The following ZNF865 variants were observed in gnomAD, a reference collection of about 807,000 sequenced individuals.
ZNF865 encodes zinc finger protein 865.
For synonymous variants in ZNF865, 763 were observed against 750.8 expected, an observed-to-expected ratio of 1.02 and a Z score of -0.27; for missense variants, 1,311 against 1,593.4, an observed-to-expected ratio of 0.82 and a Z score of 3.02.
chr19:55,614,646 C>A lies in ZNF865; in HGVS notation c.1028C>A (p.Thr343Asn), dbSNP rs1320098206. 1 of 1,536,198 alleles carries A rather than the reference C, an allele frequency of 6.5e-7. No individual in the cohort carries two copies. The highest frequency in any genetic ancestry group is 8.7e-7 in the Non-Finnish European group (1 of 1,148,104). Residue 343 changes from threonine to asparagine, a missense_variant, in exon 2 of 2, where the codon ACC becomes AAC. Transcript: ENST00000568956. This position sits in a 1 kb window ranked among gnomAD's most constrained non-coding sequence, Gnocchi z 8.0. ...PAGVGVPPPA[T>N]GGGDGPFACP... ...GGTGTTGGGGTGCCCCCTCCTGCCACCGGGGGTGGCGATGGCCCGTTCGCC... is the reference window on the plus strand; with the variant it reads ...GGTGTTGGGGTGCCCCCTCCTGCCAACGGGGGTGGCGATGGCCCGTTCGCC...
chr19:55,609,021 AGTTT>A (rs1044567680), intron 1 of ZNF865, among the ~76,000 whole-genome samples: 15 of 152,068 alleles, frequency 9.9e-5, no homozygotes, highest in East Asian at 5.8e-4. Flanking sequence ...TGACTTTAGA[AGTTT>A]GTTTGTTTGT....
rs1216027970 is a variant in ZNF865 at position 55,611,803 on chromosome 19, C to T, written c.-26-1790C>T. 6.6e-6 allele frequency among the ~76,000 whole-genome samples: 1 copy of T among 152,134 alleles called. No individual in the cohort carries two copies. The highest frequency in any genetic ancestry group is 2.4e-5 in the African/African-American group (1 of 41,402). On this transcript the variant is annotated intron_variant, in intron 1 of 1. Transcript: ENST00000568956. The surrounding 1 kb of genome is among the most constrained non-coding windows in gnomAD (Gnocchi z 4.5). ...GGGTCAGACCTCATGGGCCCTTCAC[C>T]GACTCACCCTCCGCCCACTTGGTGG... is the stretch of plus-strand genomic sequence containing the variant.
intron 1 of ZNF865, 141 bp from the exon 2 acceptor site, chr19:55,613,452 A>G: frequency 1.4e-6 from 1 of 738,606 alleles, no homozygotes; most frequent in Non-Finnish European, 2.1e-6. Context: ...TGGGGTGGAC[A>G]GGCAGAGGGA....
Position 55,614,416 on chromosome 19 carries a change from C to T in ZNF865, c.798C>T (p.Ser266=). The T allele has an allele frequency of 6.8e-7, 1 of 1,466,748 alleles. No individual in the cohort carries two copies. Among genetic ancestry groups the T allele is most frequent in the Non-Finnish European group, 9.0e-7 (1 of 1,112,388 alleles). The allele number at this position is 1,466,748 out of a possible 1,614,324, so 90.9% of individuals were successfully genotyped here. A position where few individuals can be genotyped will look rare whatever the true frequency, so the allele number is the denominator to read the frequency against. The change falls in exon 2 of 2, where the codon AGC becomes AGT. Residue 266 remains serine (S), a synonymous_variant. Transcript: ENST00000568956. The surrounding 1 kb of genome is among the most constrained non-coding windows in gnomAD (Gnocchi z 8.0). Reference sequence around the variant, plus strand: ...GCCGCACCTACAACCACGTGTCCAGCCTCATCCGCCACCGCCGCTGCCACA... The same window carrying T: ...GCCGCACCTACAACCACGTGTCCAGTCTCATCCGCCACCGCCGCTGCCACA... ...VCGRTYNHVS[S]LIRHRRCHKD...
At chr19:55,606,937 T>G (rs995285227) in intron 1 of ZNF865, among the ~76,000 whole-genome samples, 4 of 152,094 alleles carry the variant, frequency 2.6e-5, no homozygotes, top group African/African-American at 9.7e-5. Flanking sequence ...CATGCAAAGA[T>G]CTGGGTGAGC....
Position 55,613,744 on chromosome 19 carries a change from C to G in ZNF865, c.126C>G (p.Phe42Leu). ...TGGAATTCCTCAACCACCAGCGCTTCGAGCCCATGGAACTGTATGGGGAAC... is the reference window on the plus strand; with the variant it reads ...TGGAATTCCTCAACCACCAGCGCTTGGAGCCCATGGAACTGTATGGGGAAC... ...DFLEFLNHQR[F>L]EPMELYGEHA... Residue 42 changes from phenylalanine to leucine, a missense_variant, in exon 2 of 2, where the codon TTC (phenylalanine) becomes TTG (leucine). Phe to Leu is a conservative substitution (Grantham distance 22, BLOSUM62 0). Transcript: ENST00000568956. 1 of 1,534,630 alleles carries G rather than the reference C, an allele frequency of 6.5e-7. No homozygotes were observed. Among genetic ancestry groups the G allele is most frequent in the South Asian group, 1.2e-5 (1 of 84,056 alleles).
chr19:55,616,646 G>A lies in ZNF865; in HGVS notation c.3028G>A (p.Ala1010Thr). Residue 1010 changes from alanine to threonine, a missense_variant, in exon 2 of 2, where the codon GCC (alanine) becomes ACC (threonine). Physicochemically the swap from Ala to Thr is moderately conservative, Grantham distance 58. Transcript: ENST00000568956. ...CGGCTACTTCCGTAAGCACCTGGCT[G>A]CCCACCAGGGCGGCCGGCCCTTCCG... ...DPGYFRKHLA[A>T]HQGGRPFRCS... 2.6e-6 allele frequency: 4 copies of A among 1,528,418 alleles called. No individual in the cohort carries two copies. Among genetic ancestry groups the A allele is most frequent in the East Asian group, 2.5e-5 (1 of 40,650 alleles). The allele number at this position is 1,528,418 out of a possible 1,614,324, so 94.7% of individuals were successfully genotyped here.
Position 55,615,840 on chromosome 19 carries a change from G to T in ZNF865, c.2222G>T (p.Ser741Ile), listed in dbSNP as rs1981336269. The T allele has an allele frequency of 6.7e-7, 1 of 1,502,348 alleles. No homozygotes were observed. Among genetic ancestry groups the T allele is most frequent in the East Asian group, 2.6e-5 (1 of 38,854 alleles). 93.1% of individuals were successfully genotyped at this position (1,502,348 alleles called of 1,614,324 possible). ...PGGLQPPDGS[S>I]GTDAASVLDN... is the part of the protein sequence containing the mutation. Reference sequence around the variant, plus strand: ...GGCCTGCAGCCCCCGGACGGCTCCAGCGGCACGGATGCGGCCAGCGTGCTG... The same window carrying T: ...GGCCTGCAGCCCCCGGACGGCTCCATCGGCACGGATGCGGCCAGCGTGCTG... Residue 741 changes from serine (S) to isoleucine (I), a missense_variant, in exon 2 of 2, where the codon AGC (serine) becomes ATC (isoleucine). By Grantham distance (142) the Ser-to-Ile change is moderately radical. Coordinates refer to ENST00000568956, the MANE Select transcript of ZNF865 (RefSeq NM_001195605.2).
At chr19:55,607,797 G>A (rs1164108868) in intron 1 of ZNF865, among the ~76,000 whole-genome samples, 3 of 152,166 alleles carry the variant, frequency 2.0e-5, no homozygotes, top group South Asian at 4.1e-4. Flanking sequence ...CCCCAGGAGC[G>A]AAGTGATTGG....
rs1600013331 is a variant in ZNF865 at position 55,614,190 on chromosome 19, C to G, written c.572C>G (p.Ser191Trp). 3 of 1,497,440 alleles carry G rather than the reference C, an allele frequency of 2.0e-6. No homozygotes were observed. Among genetic ancestry groups the G allele is most frequent in the East Asian group, 2.7e-5 (1 of 37,024 alleles). 92.8% of individuals were successfully genotyped at this position (1,497,440 alleles called of 1,614,324 possible). The part of the protein sequence containing the change: ...AGAPGPLPAP[S>W]QTPPGPPAAA... ...GCCCCAGGGCCGCTTCCTGCCCCCTCGCAGACCCCGCCAGGACCCCCCGCG... is the reference window on the plus strand; with the variant it reads ...GCCCCAGGGCCGCTTCCTGCCCCCTGGCAGACCCCGCCAGGACCCCCCGCG... Residue 191 changes from serine to tryptophan, a missense_variant, in exon 2 of 2, where the codon TCG becomes TGG. Ser to Trp is a radical substitution (Grantham distance 177). Transcript: ENST00000568956. This position sits in a 1 kb window ranked among gnomAD's most constrained non-coding sequence, Gnocchi z 8.0.
Position 55,614,206 on chromosome 19 carries a change from A to AC in ZNF865, c.594dup (p.Ala199ArgfsTer371). On this transcript the variant is annotated frameshift_variant, in exon 2 of 2. Transcript: ENST00000568956. LOFTEE classifies it low-confidence loss of function (END_TRUNC). The surrounding 1 kb of genome is among the most constrained non-coding windows in gnomAD (Gnocchi z 8.0). ...CTGCCCCCTCGCAGACCCCGCCAGG[A>AC]CCCCCCGCGGCGGCGGCCTGCGACC... 2.7e-6 allele frequency: 4 copies of AC among 1,500,190 alleles called. No individual in the cohort carries two copies. Among genetic ancestry groups the AC allele is most frequent in the Admixed American group, 2.1e-5 (1 of 47,322 alleles). 92.9% of individuals were successfully genotyped at this position (1,500,190 alleles called of 1,614,324 possible).
Position 55,616,874 on chromosome 19 carries a change from C to A in ZNF865, c.*76C>A. On this transcript the variant is annotated 3_prime_UTR_variant, in exon 2 of 2. Coordinates refer to ENST00000568956, the MANE Select transcript of ZNF865 (RefSeq NM_001195605.2). The stretch of plus-strand genomic sequence containing the variant: ...CCTCCCAGGACTGATCAGACTCTTC[C>A]CCCCTCCTCGCTGTTGCCCCATCCT... The A allele has an allele frequency of 7.3e-7, 1 of 1,367,436 alleles. No homozygotes were observed. The allele number at this position is 1,367,436 out of a possible 1,614,324, so 84.7% of individuals were successfully genotyped here. A position where few individuals can be genotyped will look rare whatever the true frequency, so the allele number is the denominator to read the frequency against.
At position 55,615,940 on chromosome 19, in the gene ZNF865, C is replaced by T. The variant is rs1981341459; in HGVS notation, c.2322C>T (p.Gly774=). 3 of 1,503,322 alleles carry T rather than the reference C, an allele frequency of 2.0e-6. No homozygotes were observed. The Admixed American group carries it at 6.3e-5, about 32-fold the overall frequency. 93.1% of individuals were successfully genotyped at this position (1,503,322 alleles called of 1,614,324 possible). A position where few individuals can be genotyped will look rare whatever the true frequency, so the allele number is the denominator to read the frequency against. Residue 774 remains glycine (G), a synonymous_variant, in exon 2 of 2, where the codon GGC becomes GGT. Coordinates refer to ENST00000568956, the MANE Select transcript of ZNF865 (RefSeq NM_001195605.2). ...LAGVSGGEDA[G]GAAVAGAGGG... ...GGGTGTCTGGGGGTGAGGACGCAGG[C>T]GGGGCGGCGGTGGCAGGTGCTGGCG...
chr19:55,607,379 C>T (rs897576481), intron 1 of ZNF865, among the ~76,000 whole-genome samples: 1 of 146,914 alleles, frequency 6.8e-6, no homozygotes, highest in African/African-American at 2.5e-5. Context: ...GTGGGAGGAT[C>T]GCTGGAGGCC....
At position 55,614,627 on chromosome 19, in the gene ZNF865, G is replaced by A. The variant is rs1981278809; in HGVS notation, c.1009G>A (p.Gly337Arg). Residue 337 changes from glycine to arginine, a missense_variant, in exon 2 of 2, where the codon GGG (glycine) becomes AGG (arginine). By Grantham distance (125) the Gly-to-Arg change is moderately radical (BLOSUM62 -2). Transcript: ENST00000568956. The surrounding 1 kb of genome is among the most constrained non-coding windows in gnomAD (Gnocchi z 8.0). ...CGGGAGCGCCGCCCCTGCTGGTGTTGGGGTGCCCCCTCCTGCCACCGGGGG... is the reference window on the plus strand; with the variant it reads ...CGGGAGCGCCGCCCCTGCTGGTGTTAGGGTGCCCCCTCCTGCCACCGGGGG... ...ADGSAAPAGV[G>R]VPPPATGGGD... The A allele has an allele frequency of 1.3e-6, 2 of 1,530,866 alleles. No individual in the cohort carries two copies. The highest frequency in any genetic ancestry group is 1.7e-6 in the Non-Finnish European group (2 of 1,144,912). 94.8% of individuals were successfully genotyped at this position (1,530,866 alleles called of 1,614,324 possible).
intron 1 of ZNF865, among the ~76,000 whole-genome samples, chr19:55,609,091 T>C (rs1189306240): frequency 6.6e-6 from 1 of 152,176 alleles, no homozygotes; most frequent in Non-Finnish European, 1.5e-5. Flanking sequence ...TGGCGTGAGC[T>C]CACTGCAACC....
rs1348754725 is a variant in ZNF865 at position 55,614,661 on chromosome 19, G to A, written c.1043G>A (p.Gly348Asp). The change falls in exon 2 of 2, where the codon GGC (glycine) becomes GAC (aspartate). Residue 348 changes from glycine (G) to aspartate (D), a missense_variant. Physicochemically the swap from Gly to Asp is moderately conservative, Grantham distance 94 (BLOSUM62 -1). Coordinates refer to ENST00000568956, the MANE Select transcript of ZNF865 (RefSeq NM_001195605.2). The surrounding 1 kb of genome is among the most constrained non-coding windows in gnomAD (Gnocchi z 8.0). ...CCTCCTGCCACCGGGGGTGGCGATG[G>A]CCCGTTCGCCTGCCCACTCTGCTGG... The part of the protein sequence containing the change: ...VPPPATGGGD[G>D]PFACPLCWKV... 2 of 1,541,634 alleles carry A rather than the reference G, an allele frequency of 1.3e-6. No homozygotes were observed. The highest frequency in any genetic ancestry group is 8.7e-7 in the Non-Finnish European group (1 of 1,151,750).
Position 55,615,626 on chromosome 19 carries a change from G to A in ZNF865, c.2008G>A (p.Ala670Thr). 2 of 1,534,410 alleles carry A rather than the reference G, an allele frequency of 1.3e-6. No homozygotes were observed. The highest frequency in any genetic ancestry group is 1.7e-6 in the Non-Finnish European group (2 of 1,146,162). The change falls in exon 2 of 2, where the codon GCC becomes ACC. Residue 670 changes from alanine to threonine, a missense_variant. By Grantham distance (58) the Ala-to-Thr change is moderately conservative. Transcript: ENST00000568956. ...SAGPTDGLSY[A>T]CSDCGEHFPD... ...AGGGCCCACCGATGGGCTGAGCTAC[G>A]CCTGCTCGGACTGCGGCGAGCACTT...
chr19:55,608,391 T>C (rs1981017093), intron 1 of ZNF865, among the ~76,000 whole-genome samples: 1 of 150,042 alleles, frequency 6.7e-6, no homozygotes, highest in Admixed American at 6.7e-5. Flanking sequence ...CTTAGCTCGC[T>C]GCAACCTCCG....
Sources: allele counts gnomAD v4.1 joint callset (sites outside exome capture counted in the v4.1 genomes callset), GRCh38; gene constraint gnomAD v4.1.1; non-coding constraint Gnocchi (gnomAD v3.1); transcripts MANE v1.5; gene names NCBI Gene and HGNC (gene_info 2026-07-23, HGNC 2026-07-21).